DHX8: variants seen among roughly 807,000 people sequenced by gnomAD.
The protein encoded by DHX8 is DEAH-box helicase 8.
A neutral mutation model predicts 140.7 loss-of-function variants in DHX8; 67 were observed. The observed-to-expected ratio is 0.48, with a 90% CI of 0.39 to 0.58. The LOEUF (loss-of-function observed/expected upper bound fraction) is 0.58. DHX8 is among the 20% of genes least tolerant of loss of function. The pLI, the probability that DHX8 is intolerant of heterozygous loss-of-function variation, is 0.00. For missense variants in DHX8, 887 were observed against 1,550.7 expected, an observed-to-expected ratio of 0.57 and a Z score of 7.19; for synonymous variants, 533 against 553.2, an observed-to-expected ratio of 0.96 and a Z score of 0.51.
intron 21 of DHX8, 60 bp from the exon 22 acceptor site, chr17:43,521,987 A>T: frequency 6.4e-7 from 1 of 1,568,632 alleles, no homozygotes; most frequent in Non-Finnish European, 8.7e-7. Flanking sequence ...GGGCACTGTC[A>T]TTGTGAAAAT....
intron 3 of DHX8, among the ~76,000 whole-genome samples, chr17:43,541,158 T>C (rs1376080185): frequency 6.6e-6 from 1 of 152,142 alleles, no homozygotes; most frequent in African/African-American, 2.4e-5. Context: ...AGGAGAAATC[T>C]GTCCTAGCTC....
At chr17:43,530,265 A>G, downstream of DHX8, 1 of 1,537,474 alleles carries the variant, frequency 6.5e-7, no homozygotes, top group Non-Finnish European at 8.8e-7. Context: ...TCCACATTCA[A>G]GAATTTCTTC....
At chr17:43,535,141 T>C (rs1234873250) in intron 2 of DHX8, among the ~76,000 whole-genome samples, 2 of 152,178 alleles carry the variant, frequency 1.3e-5, no homozygotes, top group African/African-American at 4.8e-5. Flanking sequence ...GGTGTGAGAT[T>C]CAGTTTTAAC....
intron 16 of DHX8, among the ~76,000 whole-genome samples, chr17:43,512,750 T>C (rs1215043874): frequency 6.6e-6 from 1 of 152,210 alleles, no homozygotes; most frequent in East Asian, 1.9e-4. Context: ...TTTTATTAGC[T>C]GAACCTTTGG....
downstream of DHX8, chr17:43,529,757 C>T (rs1164820350): frequency 1.3e-6 from 2 of 1,590,012 alleles, no homozygotes; most frequent in African/African-American, 1.3e-5. Flanking sequence ...AGGGATTTCT[C>T]GAAGGGGTCT....
chr17:43,538,187 A>G (rs2154587199), intron 3 of DHX8, among the ~76,000 whole-genome samples: 1 of 151,552 alleles, frequency 6.6e-6, no homozygotes, highest in East Asian at 1.9e-4. Flanking sequence ...CACGCCTGTA[A>G]TCCCAACTAT....
intron 3 of DHX8, among the ~76,000 whole-genome samples, chr17:43,543,231 T>A (rs1041146241): frequency 1.0e-4 from 7 of 70,032 alleles, no homozygotes; most frequent in African/African-American, 3.3e-4. Context: ...CCCCACCCAC[T>A]GGATTTAAAT....
chr17:43,506,063 G>T (rs1363226098), intron 12 of DHX8, among the ~76,000 whole-genome samples: 1 of 151,820 alleles, frequency 6.6e-6, no homozygotes, highest in East Asian at 2.0e-4. Flanking sequence ...GAGTACAGTG[G>T]CTTGATCTCA....
chr17:43,540,459 C>T lies in DHX8; in HGVS notation c.*21-3703C>T, dbSNP rs55775024. On this transcript the variant is annotated intron_variant, in intron 3 of 3. Coordinates refer to the DHX8 transcript ENST00000589898. ...CAGAGTGAGACCCTGTCTCAAATAA[C>T]AATAATAAAAATAAAATAAAAACAC... 8.7e-3 allele frequency among the ~76,000 whole-genome samples: 1,328 copies of T among 152,214 alleles called. 26 individuals carry two copies. The highest frequency in any genetic ancestry group is 0.031 in the African/African-American group (1,275 of 41,524).
chr17:43,529,721 T>C (rs1567706454), downstream of DHX8: 1 of 1,591,860 alleles, frequency 6.3e-7, no homozygotes. Context: ...TGTCTTTTGG[T>C]CCCCCAAGCA....
intron 3 of DHX8, chr17:43,536,581 C>T: frequency 2.0e-6 from 2 of 978,058 alleles, no homozygotes; most frequent in South Asian, 2.7e-5. Flanking sequence ...CAAGAAAGGA[C>T]CAACAGCCTT....
chr17:43,532,819 C>G, intron 2 of DHX8: 1 of 1,613,950 alleles, frequency 6.2e-7, no homozygotes, highest in Non-Finnish European at 8.5e-7. Flanking sequence ...TAAAGCTCTG[C>G]TGGGGATAGG....
At chr17:43,535,938 C>T (rs1326323254) in intron 2 of DHX8, among the ~76,000 whole-genome samples, 1 of 152,178 alleles carries the variant, frequency 6.6e-6, no homozygotes, top group Admixed American at 6.5e-5. Context: ...TGGTGAAACC[C>T]CATCTCTACT....
intron 3 of DHX8, among the ~76,000 whole-genome samples, chr17:43,538,924 G>GA (rs1385343618): frequency 1.3e-5 from 2 of 152,044 alleles, no homozygotes; most frequent in Non-Finnish European, 2.9e-5. Context: ...GAGATGGCTA[G>GA]AAAAAACCTC....
chr17:43,496,007 A>C (rs1014466618), intron 8 of DHX8, among the ~76,000 whole-genome samples, 174 bp from the exon 9 acceptor site: 1 of 152,146 alleles, frequency 6.6e-6, no homozygotes, highest in Non-Finnish European at 1.5e-5. Flanking sequence ...CTGAGGTAGG[A>C]GGATTGGTTG....
chr17:43,495,845 T>G (rs992987865), intron 8 of DHX8, among the ~76,000 whole-genome samples: 2 of 152,286 alleles, frequency 1.3e-5, no homozygotes, highest in Non-Finnish European at 2.9e-5. Flanking sequence ...ACACATGTAA[T>G]CTCAGCACTT....
chr17:43,507,679 G>A lies in DHX8; in HGVS notation c.2100G>A (p.Leu700=). 6.2e-7 allele frequency: 1 copy of A among 1,613,930 alleles called. No homozygotes were observed. Among genetic ancestry groups the A allele is most frequent in the Non-Finnish European group, 8.5e-7 (1 of 1,179,894 alleles). ...RTIHTDVLFG[L]LKKTVQKRQD... is the part of the protein sequence containing the mutation. The stretch of plus-strand genomic sequence containing the variant: ...TTCACACTGATGTGCTCTTTGGATT[G>A]TTGAAAAAGGTAACTAGATGCTCTT... Residue 700 remains leucine, a synonymous_variant, in exon 14 of 23, where the codon TTG becomes TTA. Transcript: ENST00000262415.
At chr17:43,508,632 T>A in intron 16 of DHX8, 112 bp downstream of exon 16, 1 of 697,272 alleles carries the variant, frequency 1.4e-6, no homozygotes, top group Non-Finnish European at 2.3e-6. Flanking sequence ...TTTTTTTTTT[T>A]TTTCCTCGAG....
chr17:43,490,841 T>G (rs551190017), intron 3 of DHX8, among the ~76,000 whole-genome samples: 2 of 152,236 alleles, frequency 1.3e-5, no homozygotes, highest in South Asian at 4.1e-4. Flanking sequence ...ACCAATGTAC[T>G]TTAGCCTGAG....
Sources: allele counts gnomAD v4.1 joint callset (sites outside exome capture counted in the v4.1 genomes callset), GRCh38; gene constraint gnomAD v4.1.1; transcripts MANE v1.5; gene names NCBI Gene and HGNC (gene_info 2026-07-23, HGNC 2026-07-21).